The following HEMK2 variants were observed in gnomAD, a reference collection of about 807,000 sequenced individuals.
The protein encoded by HEMK2 is methyltransferase HEMK2.
the HEMK2 span, chr21:28,885,309 G>T: frequency 2.5e-6 from 4 of 1,588,030 alleles, no homozygotes; most frequent in Admixed American, 1.7e-5. Context: ...CGGCCCACGT[G>T]CCCGTGGAAC....
the HEMK2 span, among the ~76,000 whole-genome samples, chr21:28,686,137 G>A: frequency 6.6e-6 from 1 of 152,334 alleles, no homozygotes; most frequent in African/African-American, 2.4e-5. Flanking sequence ...CTAGAGTTTG[G>A]TGAAGGAGAG....
the HEMK2 span, among the ~76,000 whole-genome samples, chr21:28,628,548 T>A: frequency 1.3e-5 from 2 of 152,116 alleles, no homozygotes; most frequent in African/African-American, 4.8e-5. Flanking sequence ...GCCTCCTGGG[T>A]TCAAGTGATT....
At chr21:28,631,854 T>G in the HEMK2 span, among the ~76,000 whole-genome samples, 2 of 152,114 alleles carry the variant, frequency 1.3e-5, no homozygotes, top group African/African-American at 4.8e-5. Flanking sequence ...TTTTTATCAC[T>G]TACAGTTGCC....
At chr21:28,646,140 T>C in the HEMK2 span, among the ~76,000 whole-genome samples, 1 of 152,114 alleles carries the variant, frequency 6.6e-6, no homozygotes, top group Non-Finnish European at 1.5e-5. Context: ...ATCTGGCACA[T>C]GTTTGCAGAG....
At chr21:28,595,132 T>C in the HEMK2 span, among the ~76,000 whole-genome samples, 1 of 152,230 alleles carries the variant, frequency 6.6e-6, no homozygotes, top group African/African-American at 2.4e-5. Flanking sequence ...TCATGGAAGA[T>C]GGGGTATCTG....
the HEMK2 span, among the ~76,000 whole-genome samples, chr21:28,600,493 T>C: frequency 1.3e-5 from 2 of 152,214 alleles, no homozygotes; most frequent in African/African-American, 4.8e-5. Flanking sequence ...GCCCGGCCCA[T>C]GAAACCTTTT....
At chr21:28,655,992 C>T in the HEMK2 span, among the ~76,000 whole-genome samples, 8 of 151,906 alleles carry the variant, frequency 5.3e-5, no homozygotes, top group African/African-American at 1.7e-4. Flanking sequence ...AATTTGTGCA[C>T]GATTAGAATC....
chr21:28,883,002 G>A, the HEMK2 span: 1 of 1,601,116 alleles, frequency 6.2e-7, no homozygotes, highest in Middle Eastern at 1.8e-4. Context: ...AAGCCTGAGG[G>A]CCTATCATAG....
At chr21:28,659,878 A>C in the HEMK2 span, among the ~76,000 whole-genome samples, 1 of 152,120 alleles carries the variant, frequency 6.6e-6, no homozygotes, top group South Asian at 2.1e-4. Flanking sequence ...GCACATAAAA[A>C]AGTGCTAGAA....
the HEMK2 span, among the ~76,000 whole-genome samples, chr21:28,814,990 A>C: frequency 1.3e-5 from 2 of 152,200 alleles, no homozygotes; most frequent in Non-Finnish European, 2.9e-5. Flanking sequence ...CAAATGTCCA[A>C]CAATGATAGA....
chr21:28,849,683 G>T, the HEMK2 span, among the ~76,000 whole-genome samples: 63 of 152,228 alleles, frequency 4.1e-4, no homozygotes, highest in African/African-American at 1.5e-3. Flanking sequence ...AAAAGAAACG[G>T]ATCTGATACA....
chr21:28,617,350 T>C, the HEMK2 span, among the ~76,000 whole-genome samples: 2 of 152,176 alleles, frequency 1.3e-5, no homozygotes, highest in African/African-American at 4.8e-5. Flanking sequence ...AAGGACCAAA[T>C]AATGAAAGAC....
chr21:28,796,700 G>A, the HEMK2 span, among the ~76,000 whole-genome samples: 4 of 152,134 alleles, frequency 2.6e-5, no homozygotes, highest in African/African-American at 9.7e-5. Context: ...AAGTAGCTGG[G>A]ACCACAGGTA....
the HEMK2 span, among the ~76,000 whole-genome samples, chr21:28,593,965 G>A: frequency 1.5e-4 from 23 of 152,072 alleles, no homozygotes; most frequent in African/African-American, 2.2e-4. Context: ...AGCAAAATTT[G>A]ACAAACACTA....
the HEMK2 span, among the ~76,000 whole-genome samples, chr21:28,664,056 A>G: frequency 6.6e-6 from 1 of 152,226 alleles, no homozygotes; most frequent in African/African-American, 2.4e-5. Context: ...TTACAAAACA[A>G]TAAAGTATAT....
the HEMK2 span, among the ~76,000 whole-genome samples, chr21:28,611,010 G>C: frequency 2.0e-5 from 3 of 152,050 alleles, no homozygotes. Context: ...GTTCAAAAAA[G>C]AAACAATGAA....
chr21:28,773,149 G>A, the HEMK2 span, among the ~76,000 whole-genome samples: 728 of 152,188 alleles, frequency 4.8e-3, 5 homozygotes, highest in African/African-American at 0.017. Context: ...TTGGTGCCAG[G>A]ATATGAACAA....
chr21:28,797,212 T>C, the HEMK2 span, among the ~76,000 whole-genome samples: 1 of 152,130 alleles, frequency 6.6e-6, no homozygotes. Context: ...CACTGTTGAA[T>C]GCACATTGCA....
chr21:28,848,008 G>C, the HEMK2 span, among the ~76,000 whole-genome samples: 1 of 152,232 alleles, frequency 6.6e-6, no homozygotes, highest in East Asian at 1.9e-4. Flanking sequence ...GTACCATGCT[G>C]TCTCAGTTAC....
Sources: gnomAD v4.1 joint callset for allele counts (sites outside exome capture counted in the v4.1 genomes callset) on GRCh38, gnomAD v4.1.1 for gene constraint, MANE v1.5 for transcripts, NCBI Gene and HGNC (gene_info 2026-07-23, HGNC 2026-07-21) for gene names.